Variants in VPS13B observed in about 807,000 individuals in gnomAD.
The protein encoded by VPS13B is intermembrane lipid transfer protein VPS13B.
A neutral mutation model predicts 426.4 loss-of-function variants in VPS13B; 285 were observed. The observed-to-expected ratio is 0.67, with a 90% CI of 0.61 to 0.74. The LOEUF (loss-of-function observed/expected upper bound fraction) is 0.74, where lower values mean the gene tolerates loss of function less well. VPS13B is among the 30% of genes least tolerant of loss of function. The pLI is 0.00. For missense variants in VPS13B, 4,537 were observed against 4,782.6 expected, an observed-to-expected ratio of 0.95 and a Z score of 1.51; for synonymous variants, 1,676 against 1,676.4, an observed-to-expected ratio of 1.00 and a Z score of 0.01.
chr8:99,433,499 A>G (rs1487813798), intron 22 of VPS13B, among the ~76,000 whole-genome samples: 1 of 152,220 alleles, frequency 6.6e-6, no homozygotes, highest in African/African-American at 2.4e-5. Flanking sequence ...AGCACATAAC[A>G]TAGAATTAAC....
intron 34 of VPS13B, among the ~76,000 whole-genome samples, chr8:99,651,979 A>C (rs1242223155): frequency 6.6e-6 from 1 of 152,174 alleles, no homozygotes; most frequent in African/African-American, 2.4e-5. Context: ...ACCTGATTGT[A>C]TCTTTTCAAA....
chr8:99,170,226 C>G, intron 16 of VPS13B, 63 bp downstream of exon 16: 2 of 1,573,858 alleles, frequency 1.3e-6, no homozygotes, highest in South Asian at 2.2e-5. Flanking sequence ...GGAAAAAACC[C>G]CCAAATGTAT....
At chr8:99,828,508 G>A (rs1043454447) in intron 51 of VPS13B, among the ~76,000 whole-genome samples, 1 of 144,360 alleles carries the variant, frequency 6.9e-6, no homozygotes, top group Non-Finnish European at 1.5e-5. Context: ...ACATGAGATG[G>A]GTCTCCTGAA....
intron 39 of VPS13B, among the ~76,000 whole-genome samples, chr8:99,754,829 T>G (rs1810559073): frequency 6.6e-6 from 1 of 152,190 alleles, no homozygotes; most frequent in Non-Finnish European, 1.5e-5. Flanking sequence ...TCACAACAAT[T>G]ACTCTTTCAA....
At chr8:99,824,044 C>T in intron 51 of VPS13B, 66 bp downstream of exon 51, 1 of 1,557,086 alleles carries the variant, frequency 6.4e-7, no homozygotes, top group Non-Finnish European at 8.8e-7. Context: ...GGATCAACTT[C>T]TCTTTAACCT....
At chr8:99,198,843 T>C (rs756358781) in intron 17 of VPS13B, among the ~76,000 whole-genome samples, 1 of 152,148 alleles carries the variant, frequency 6.6e-6, no homozygotes, top group Admixed American at 6.5e-5. Context: ...CTTGTCTTTT[T>C]TCCCCCCGAG....
At chr8:99,784,228 T>C in intron 42 of VPS13B, 87 bp from the exon 43 acceptor site, 1 of 1,555,240 alleles carries the variant, frequency 6.4e-7, no homozygotes, top group Admixed American at 1.7e-5. Context: ...GGTTTCTGTG[T>C]TGTAACAATC....
intron 24 of VPS13B, 42 bp downstream of exon 24, chr8:99,467,676 G>T (rs781136318): frequency 4.4e-6 from 7 of 1,580,486 alleles, no homozygotes; most frequent in South Asian, 1.1e-5. Flanking sequence ...AAAGTAATGT[G>T]ATTTAAAAGC....
intron 33 of VPS13B, among the ~76,000 whole-genome samples, chr8:99,619,313 A>T (rs964917056): frequency 2.6e-5 from 4 of 152,142 alleles, no homozygotes; most frequent in African/African-American, 9.7e-5. Flanking sequence ...CCTGAGACAC[A>T]TGGGCTGGGA....
At chr8:99,293,768 A>G (rs1009924758) in intron 19 of VPS13B, among the ~76,000 whole-genome samples, 2 of 152,198 alleles carry the variant, frequency 1.3e-5, no homozygotes, top group Non-Finnish European at 2.9e-5. Context: ...ACATTTATGC[A>G]GCCAAAAAAT....
intron 59 of VPS13B, among the ~76,000 whole-genome samples, chr8:99,869,230 G>A (rs1817264216): frequency 6.6e-6 from 1 of 152,222 alleles, no homozygotes; most frequent in Admixed American, 6.5e-5. Flanking sequence ...TGTCTAGCTA[G>A]TATCACAAAC....
Position 99,556,756 on chromosome 8 carries a change from A to G in VPS13B, c.4949+103A>G, listed in dbSNP as rs1187126001. The G allele has an allele frequency of 3.2e-6, 4 of 1,255,688 alleles. No individual in the cohort carries two copies. The African/African-American group carries it at 4.4e-5, about 14-fold the overall frequency. 77.8% of individuals were successfully genotyped at this position (1,255,688 alleles called of 1,614,324 possible). ...GTCCAACCAACCTAAGTATTTTGGT[A>G]TTGCTTCTGCTTTTCATTATAAGCA... On this transcript the variant is annotated intron_variant, in intron 31 of 61. Coordinates refer to ENST00000357162, the MANE Select transcript of VPS13B (RefSeq NM_152564.5).
At chr8:99,481,425 G>A (rs192898759) in intron 24 of VPS13B, among the ~76,000 whole-genome samples, 174 bp from the exon 25 acceptor site, 71 of 152,338 alleles carry the variant, frequency 4.7e-4, no homozygotes, top group African/African-American at 1.3e-3. Flanking sequence ...ATATCACAGA[G>A]TGAGTATGAA....
chr8:99,058,608 A>G (rs577264672), intron 3 of VPS13B, among the ~76,000 whole-genome samples: 47 of 152,332 alleles, frequency 3.1e-4, no homozygotes, highest in African/African-American at 1.1e-3. Context: ...TTGGCAAGCA[A>G]CTTGACTGAA....
rs564364428 is a variant in VPS13B at position 99,170,245 on chromosome 8, T to TA, written c.2333+82_2333+83insA. 1.3e-4 allele frequency: 190 copies of TA among 1,514,594 alleles called. No homozygotes were observed. In the East Asian group the frequency reaches 2.3e-3, roughly 18 times the overall value. The allele number at this position is 1,514,594 out of a possible 1,614,324, so 93.8% of individuals were successfully genotyped here. On this transcript the variant is annotated intron_variant, in intron 16 of 61. Transcript: ENST00000357162. Reference sequence around the variant, plus strand: ...AAAACCCCCAAATGTATCTGTCTTATGCCCATGCTAGTTTTATACAAAACT... The same window carrying TA: ...AAAACCCCCAAATGTATCTGTCTTATAGCCCATGCTAGTTTTATACAAAACT...
At chr8:99,769,612 G>C (rs1189944722) in intron 40 of VPS13B, among the ~76,000 whole-genome samples, 2 of 152,158 alleles carry the variant, frequency 1.3e-5, no homozygotes, top group Non-Finnish European at 2.9e-5. Flanking sequence ...CTATAATTGA[G>C]ATGAAGTTTT....
rs751622263 is a variant in VPS13B, at chr8:99,275,168, G to C, written c.2738G>C (p.Ser913Thr). 5.0e-6 allele frequency: 8 copies of C among 1,612,970 alleles called. No individual in the cohort carries two copies. The South Asian group carries it at 7.7e-5, about 16-fold the overall frequency. Residue 913 changes from serine to threonine, a missense_variant, in exon 19 of 62, where the codon AGT becomes ACT. Ser to Thr is a moderately conservative substitution (Grantham distance 58). This residue lies in a region of VPS13B where 4,311 missense variants were observed against 4,474.3 expected (regional missense o/e 0.96). Transcript: ENST00000357162. The stretch of plus-strand genomic sequence containing the variant: ...CATAGCACCAAGTGGCTCAATGAGA[G>C]TAGAAAGCCAGAGTCTCTCTTAGCT... ...DLHSTKWLNE[S>T]RKPESLLAPD...
At chr8:99,090,031 A>G (rs565623079) in intron 3 of VPS13B, among the ~76,000 whole-genome samples, 2 of 152,066 alleles carry the variant, frequency 1.3e-5, no homozygotes, top group South Asian at 2.1e-4. Context: ...AGGCGGGTAT[A>G]ATGAGGCATG....
intron 56 of VPS13B, among the ~76,000 whole-genome samples, chr8:99,857,863 G>A (rs1260911564): frequency 6.6e-6 from 1 of 152,206 alleles, no homozygotes; most frequent in Non-Finnish European, 1.5e-5. Context: ...CCTCTCATTT[G>A]TAATCTTTAT....
Sources: allele counts gnomAD v4.1 joint callset (sites outside exome capture counted in the v4.1 genomes callset), GRCh38; gene constraint gnomAD v4.1.1; regional missense constraint gnomAD v4.1.1; transcripts MANE v1.5; gene names NCBI Gene and HGNC (gene_info 2026-07-23, HGNC 2026-07-21).